Variants in SCAI observed in about 807,000 individuals in gnomAD.
SCAI encodes the protein suppressor of cancer cell invasion.
Under a neutral mutation model 92.2 loss-of-function variants are expected in SCAI, and 24 were observed. The observed-to-expected ratio is 0.26, with a 90% CI of 0.19 to 0.37. The LOEUF (loss-of-function observed/expected upper bound fraction) is 0.37. SCAI is among the 10% of genes least tolerant of loss of function. The pLI, the probability that SCAI is intolerant of heterozygous loss-of-function variation, is 1.00. For missense variants in SCAI, 450 were observed against 736.2 expected (o/e 0.61, Z 4.50); for synonymous variants, 261 against 258.6 (o/e 1.01, Z -0.09).
chr9:125,024,449 G>A (rs1832929549), intron 6 of SCAI, among the ~76,000 whole-genome samples: 2 of 151,950 alleles, frequency 1.3e-5, no homozygotes, highest in Admixed American at 1.3e-4. Context: ...CTAATTTTTT[G>A]TATTTTTAGT....
intron 17 of SCAI, among the ~76,000 whole-genome samples, chr9:124,959,523 C>CATATATATACACACATATAT (rs1554774581): frequency 0.015 from 2,222 of 144,906 alleles, 59 homozygotes; most frequent in African/African-American, 0.055. Context: ...TATATACACA[C>CATATATATACACACATATAT]ATATATATAC....
intron 3 of SCAI, among the ~76,000 whole-genome samples, chr9:125,054,711 G>A (rs879509516): frequency 3.3e-5 from 5 of 152,168 alleles, no homozygotes; most frequent in Admixed American, 6.5e-5. Context: ...AGAAAAACAT[G>A]ATCTCAAACA....
chr9:124,988,879 C>T (rs1231795029), intron 14 of SCAI, among the ~76,000 whole-genome samples: 1 of 152,208 alleles, frequency 6.6e-6, no homozygotes, highest in Admixed American at 6.5e-5. Flanking sequence ...GTGGCTCACG[C>T]CTGTAATCCC....
intron 15 of SCAI, 66 bp from the exon 16 acceptor site, chr9:124,971,910 G>T: frequency 1.1e-6 from 1 of 884,378 alleles, no homozygotes. Flanking sequence ...TACATATGAG[G>T]AACATTTTAA....
chr9:124,998,274 G>A (rs994172583), intron 13 of SCAI, among the ~76,000 whole-genome samples: 7 of 152,136 alleles, frequency 4.6e-5, no homozygotes, highest in South Asian at 2.1e-4. Context: ...TCAACATGGC[G>A]AAACCCCATC....
chr9:125,055,657 C>T (rs575545086), intron 3 of SCAI, among the ~76,000 whole-genome samples: 2 of 152,216 alleles, frequency 1.3e-5, no homozygotes, highest in South Asian at 4.1e-4. Context: ...CAAAATAGCT[C>T]TTTTTAAGTT....
chr9:124,961,138 A>AG (rs1831427455), intron 17 of SCAI, among the ~76,000 whole-genome samples: 2 of 151,866 alleles, frequency 1.3e-5, no homozygotes, highest in Non-Finnish European at 2.9e-5. Context: ...TAAAAAAAAA[A>AG]AAAAAAAAAT....
chr9:125,061,102 C>T (rs1411040412), intron 2 of SCAI, among the ~76,000 whole-genome samples: 2 of 151,790 alleles, frequency 1.3e-5, no homozygotes, highest in East Asian at 2.0e-4. Context: ...TCGAGACCAT[C>T]GTGGCTAACA....
intron 2 of SCAI, among the ~76,000 whole-genome samples, chr9:125,112,465 AACCGG>A (rs1834951878): frequency 6.6e-6 from 1 of 152,242 alleles, no homozygotes; most frequent in African/African-American, 2.4e-5. Context: ...CTCTTCTTGT[AACCGG>A]CCAGATAATA....
intron 17 of SCAI, chr9:124,968,894 T>C (rs1726332580): frequency 2.1e-6 from 1 of 487,500 alleles, no homozygotes; most frequent in Admixed American, 3.5e-5. Context: ...GTAGTTCATC[T>C]GTTTTCCAAA....
chr9:124,950,428 T>C lies in SCAI; in HGVS notation c.*2379A>G, dbSNP rs917984140. 3 of 152,194 alleles carry C rather than the reference T, an allele frequency of 2.0e-5. No individual in the cohort carries two copies. Among genetic ancestry groups the C allele is most frequent in the Non-Finnish European group, 4.4e-5 (3 of 68,052 alleles). 9.4% of individuals were successfully genotyped at this position (152,194 alleles called of 1,614,324 possible). ...TCCTAGTTCTCAGACCAGTGTTCTTTATGCTTAACGGGGGAGGATAAAGCT... is the reference window on the plus strand; with the variant it reads ...TCCTAGTTCTCAGACCAGTGTTCTTCATGCTTAACGGGGGAGGATAAAGCT... On this transcript the variant is annotated 3_prime_UTR_variant, in exon 18 of 18. Transcript: ENST00000336505.
chr9:125,026,762 A>C, intron 6 of SCAI, 50 bp downstream of exon 6: 3 of 951,314 alleles, frequency 3.2e-6, no homozygotes, highest in African/African-American at 1.6e-5. Context: ...TACGAAGATT[A>C]AGACTGAATG....
intron 17 of SCAI, among the ~76,000 whole-genome samples, chr9:124,960,907 AG>A (rs1831422833): frequency 6.6e-6 from 1 of 152,180 alleles, no homozygotes; most frequent in Non-Finnish European, 1.5e-5. Context: ...GCTTGAGGCC[AG>A]AAGTTTGAGG....
intron 6 of SCAI, among the ~76,000 whole-genome samples, chr9:125,024,115 G>T (rs1271038625): frequency 6.6e-6 from 1 of 151,592 alleles, no homozygotes; most frequent in Admixed American, 6.6e-5. Flanking sequence ...GCCTTCTATT[G>T]TAATAATCAT....
intron 6 of SCAI, among the ~76,000 whole-genome samples, chr9:125,023,526 G>A (rs1832909238): frequency 1.3e-5 from 2 of 152,066 alleles, no homozygotes; most frequent in African/African-American, 4.8e-5. Context: ...TTAAAAAATA[G>A]GTTCTATGAA....
intron 2 of SCAI, among the ~76,000 whole-genome samples, chr9:125,083,801 T>G (rs1588207423): frequency 6.6e-6 from 1 of 151,978 alleles, no homozygotes; most frequent in Non-Finnish European, 1.5e-5. Flanking sequence ...TTTCACAGAG[T>G]GTACTTTCTA....
In SCAI at chr9:124,971,710, G is replaced by C; in HGVS notation, c.1534C>G (p.Arg512Gly). Residue 512 changes from arginine (R) to glycine (G), a missense_variant, in exon 16 of 18, where the codon CGT becomes GGT. Arg to Gly is a moderately radical substitution (Grantham distance 125). Coordinates refer to ENST00000336505, the MANE Select transcript of SCAI (RefSeq NM_001144877.3). ...TGAGTCAGTAGCTGGGCAATATCAC[G>C]GTTGATTTTTCGAAGATATTCTTGA... Reference protein sequence around the residue: ...KCQEYLRKINRDIAQLLTHSR... With the variant: ...KCQEYLRKINGDIAQLLTHSR... 2 of 1,610,796 alleles carry C rather than the reference G, an allele frequency of 1.2e-6. No individual in the cohort carries two copies. Among genetic ancestry groups the C allele is most frequent in the East Asian group, 2.2e-5 (1 of 44,804 alleles).
intron 13 of SCAI, among the ~76,000 whole-genome samples, chr9:124,995,993 A>G (rs1005507945): frequency 2.0e-5 from 3 of 152,130 alleles, no homozygotes; most frequent in Non-Finnish European, 4.4e-5. Flanking sequence ...GATAGATACT[A>G]ATGTAAATGT....
chr9:125,131,291 C>T (rs573241859), intron 2 of SCAI, among the ~76,000 whole-genome samples: 1 of 151,518 alleles, frequency 6.6e-6, no homozygotes, highest in South Asian at 2.1e-4. Context: ...ACCAGTAATC[C>T]CAGCTACTTG....
Sources: allele counts gnomAD v4.1 joint callset (sites outside exome capture counted in the v4.1 genomes callset), GRCh38; gene constraint gnomAD v4.1.1; transcripts MANE v1.5; gene names NCBI Gene and HGNC (gene_info 2026-07-23, HGNC 2026-07-21).